The following CALN1 variants were observed in gnomAD, a reference collection of about 807,000 sequenced individuals.
CALN1 encodes calneuron 1, also known as calcium-binding protein 8.
A neutral mutation model predicts 30.6 loss-of-function variants in CALN1; 17 were observed. That is an observed-to-expected ratio of 0.56 (90% CI 0.38 to 0.83). The LOEUF (loss-of-function observed/expected upper bound fraction) is 0.83. Among genes scored for constraint, CALN1 ranks in the 40% least tolerant of loss-of-function variants. CALN1 has a pLI of 0.00. For synonymous variants in CALN1, 156 were observed against 131.4 expected (o/e 1.19, Z -1.28); for missense variants, 291 against 354.9 (o/e 0.82, Z 1.45).
At chr7:72,249,863 G>A (rs1795430606) in intron 3 of CALN1, among the ~76,000 whole-genome samples, 1 of 151,176 alleles carries the variant, frequency 6.6e-6, no homozygotes, top group African/African-American at 2.4e-5. Flanking sequence ...CTTGAACCCA[G>A]GAGGTGGAGG....
intron 2 of CALN1, among the ~76,000 whole-genome samples, chr7:72,338,470 A>AGTGTGTGTGTGTGT (rs56695086): frequency 0.017 from 1,302 of 74,686 alleles, 80 homozygotes; most frequent in Non-Finnish European, 0.026. Flanking sequence ...CCAGCAGCAC[A>AGTGTGTGTGTGTGT]GTGTGTGTGT....
At chr7:72,289,615 C>T (rs1000014273) in intron 2 of CALN1, among the ~76,000 whole-genome samples, 13 of 152,088 alleles carry the variant, frequency 8.5e-5, no homozygotes, top group South Asian at 2.1e-4. Flanking sequence ...AAGAGATGTG[C>T]AGCAGTATAC....
intron 5 of CALN1, among the ~76,000 whole-genome samples, chr7:71,830,350 CTTTT>C (rs372015868): frequency 1.4e-5 from 2 of 144,206 alleles, no homozygotes; most frequent in Non-Finnish European, 3.0e-5. Flanking sequence ...GCCATCAGTT[CTTTT>C]TTTCTTTTTT....
intron 4 of CALN1, among the ~76,000 whole-genome samples, chr7:72,068,514 G>C (rs1488464217): frequency 2.0e-5 from 3 of 152,102 alleles, no homozygotes; most frequent in Non-Finnish European, 4.4e-5. Flanking sequence ...TTGAGACGGA[G>C]TCTTACTCTG....
chr7:71,800,188 T>A (rs981263618), intron 6 of CALN1, among the ~76,000 whole-genome samples: 1 of 152,192 alleles, frequency 6.6e-6, no homozygotes, highest in African/African-American at 2.4e-5. Flanking sequence ...CTTCTGACCT[T>A]CCAGTGAGCC....
intron 5 of CALN1, among the ~76,000 whole-genome samples, chr7:71,937,264 C>G (rs942482078): frequency 6.6e-6 from 1 of 151,790 alleles, no homozygotes. Flanking sequence ...GAGCTGAGAT[C>G]GTACCATTGC....
At chr7:71,839,324 G>A (rs968241527) in intron 5 of CALN1, among the ~76,000 whole-genome samples, 2 of 152,082 alleles carry the variant, frequency 1.3e-5, no homozygotes, top group Non-Finnish European at 2.9e-5. Flanking sequence ...TTGATGTCAG[G>A]AGTTAGAGAC....
At chr7:72,463,078 G>C in the CALN1 span, among the ~76,000 whole-genome samples, 2 of 152,162 alleles carry the variant, frequency 1.3e-5, no homozygotes, top group Admixed American at 6.5e-5. Context: ...TTCAGGTGTG[G>C]ACACTGAGGC....
chr7:72,101,672 C>T (rs762110238), intron 4 of CALN1, among the ~76,000 whole-genome samples: 75 of 152,176 alleles, frequency 4.9e-4, no homozygotes, highest in Admixed American at 2.6e-3. Context: ...CCAACAAGTC[C>T]GGCAAGATAA....
At chr7:72,070,905 A>G (rs1292690411) in intron 4 of CALN1, among the ~76,000 whole-genome samples, 1 of 152,190 alleles carries the variant, frequency 6.6e-6, no homozygotes, top group East Asian at 1.9e-4. Context: ...AGAGCTTCCA[A>G]TGCAAAGGCT....
intron 2 of CALN1, among the ~76,000 whole-genome samples, chr7:72,352,926 T>C (rs1803012206): frequency 6.6e-6 from 1 of 151,980 alleles, no homozygotes; most frequent in Admixed American, 6.6e-5. Flanking sequence ...ATCCTAACGA[T>C]ATAAAAAAGA....
intron 2 of CALN1, among the ~76,000 whole-genome samples, chr7:72,321,457 T>TA (rs1233157520): frequency 7.9e-5 from 12 of 152,214 alleles, no homozygotes; most frequent in Non-Finnish European, 1.5e-4. Context: ...ATCTATAGGT[T>TA]ACAAGTGTTC....
chr7:72,047,033 C>T (rs1406390293), intron 4 of CALN1, among the ~76,000 whole-genome samples: 1 of 152,090 alleles, frequency 6.6e-6, no homozygotes, highest in Admixed American at 6.5e-5. Flanking sequence ...CTGCTACACT[C>T]TAGCCTGGAC....
intron 5 of CALN1, among the ~76,000 whole-genome samples, chr7:71,847,692 G>T (rs1414059513): frequency 8.8e-6 from 1 of 114,232 alleles, no homozygotes; most frequent in Non-Finnish European, 1.7e-5. Context: ...AAAAAAAAAG[G>T]AGGAAGAAGA....
At position 71,851,208 on chromosome 7, in the gene CALN1, AACACACACACACACAC is replaced by A. The variant is rs56041427; in HGVS notation, c.502-40732_502-40717del. Among the ~76,000 whole-genome samples, 186 of 132,174 alleles carry A rather than the reference AACACACACACACACAC, an allele frequency of 1.4e-3. 1 individual carries two copies. Among genetic ancestry groups the A allele is most frequent in the African/African-American group, 4.6e-3 (161 of 34,752 alleles). The allele number at this position is 132,174 out of a possible 152,430, so 86.7% of individuals were successfully genotyped here. ...GGCGACAGAGAGAGACCTTGTCTCA[AACACACACACACACAC>A]ACACACACACACACACACACACACA... On this transcript the variant is annotated intron_variant, in intron 5 of 6. Coordinates refer to ENST00000395275, the MANE Select transcript of CALN1 (RefSeq NM_031468.4).
At chr7:72,324,364 A>G (rs991053100) in intron 2 of CALN1, among the ~76,000 whole-genome samples, 1 of 152,046 alleles carries the variant, frequency 6.6e-6, no homozygotes, top group Non-Finnish European at 1.5e-5. Flanking sequence ...ATCCTTTTCC[A>G]AGACCACAGC....
At chr7:71,797,304 G>A (rs1486211123) in intron 6 of CALN1, among the ~76,000 whole-genome samples, 3 of 152,148 alleles carry the variant, frequency 2.0e-5, no homozygotes, top group African/African-American at 7.2e-5. Flanking sequence ...TCTCAACTCA[G>A]GTGATTCTTA....
intron 3 of CALN1, among the ~76,000 whole-genome samples, chr7:72,221,655 C>T (rs773245135): frequency 1.6e-4 from 24 of 152,214 alleles, no homozygotes; most frequent in South Asian, 2.1e-4. Context: ...CTCTGGAAGG[C>T]GAGGAGAGCG....
At position 72,347,160 on chromosome 7, in the gene CALN1, G is replaced by A. The variant is rs887156469; in HGVS notation, c.119+56091C>T. ...AGATTCAGGAAGTCCTATAAACTCC[G>A]AATAGGATACGTGCAATGAAATCCA... On this transcript the variant is annotated intron_variant, in intron 2 of 6. Coordinates refer to ENST00000395275, the MANE Select transcript of CALN1 (RefSeq NM_031468.4). Among the ~76,000 whole-genome samples the A allele has an allele frequency of 4.6e-5, 7 of 151,828 alleles. No homozygotes were observed. In the South Asian group the frequency reaches 6.2e-4, roughly 14 times the overall value.
Sources: allele counts gnomAD v4.1 joint callset (sites outside exome capture counted in the v4.1 genomes callset), GRCh38; gene constraint gnomAD v4.1.1; transcripts MANE v1.5; gene names NCBI Gene and HGNC (gene_info 2026-07-23, HGNC 2026-07-21).